Variants in SCN8A observed in about 807,000 individuals in gnomAD.
The protein encoded by SCN8A is sodium channel protein type 8 subunit alpha.
SCN8A carries 30 observed loss-of-function variants against 184.1 expected under a neutral mutation model. The observed-to-expected ratio is 0.16, with a 90% confidence interval of 0.12 to 0.22. The LOEUF (loss-of-function observed/expected upper bound fraction) is 0.22, where lower values mean the gene tolerates loss of function less well. Among genes scored for constraint, SCN8A ranks in the 10% least tolerant of loss-of-function variants. The probability of loss-of-function intolerance (pLI) is 1.00; values close to 1 mark genes in which losing one functional copy is unlikely to be tolerated. For synonymous variants in SCN8A, 852 were observed against 907.0 expected (o/e 0.94, Z 1.09); for missense variants, 1,057 against 2,498.9 (o/e 0.42, Z 12.30).
chr12:51,798,258 T>A (rs1938461931), intron 26 of SCN8A, among the ~76,000 whole-genome samples: 1 of 152,202 alleles, frequency 6.6e-6, no homozygotes, highest in Admixed American at 6.5e-5. Flanking sequence ...TTCTTAGCTG[T>A]AAAGTGAGTG....
intron 20 of SCN8A, 94 bp downstream of exon 20, chr12:51,774,456 A>T: frequency 8.4e-7 from 1 of 1,191,820 alleles, no homozygotes; most frequent in East Asian, 2.4e-5. Flanking sequence ...CCCTGGGCCC[A>T]GGTTATAGAT....
At chr12:51,750,641 GATAATA>G (rs942492303) in intron 13 of SCN8A, among the ~76,000 whole-genome samples, 1 of 152,178 alleles carries the variant, frequency 6.6e-6, no homozygotes, top group Non-Finnish European at 1.5e-5. Context: ...TGCTAATGAA[GATAATA>G]ATAATAGCAA....
chr12:51,767,941 G>T (rs919577040), intron 16 of SCN8A, among the ~76,000 whole-genome samples: 2 of 152,100 alleles, frequency 1.3e-5, no homozygotes, highest in African/African-American at 2.4e-5. Context: ...CCTCAGCCTG[G>T]CCTTCAAAGC....
rs557837755 is a variant in SCN8A at position 51,707,367 on chromosome 12, A to G, written c.1635+652A>G. On this transcript the variant is annotated intron_variant, in intron 11 of 26. Transcript: ENST00000627620. Reference sequence around the variant, plus strand: ...TTAACTTACACAATCACAAGGTCCCACAGTAGGCTGTTTGCAAACTTCAGG... The same window carrying G: ...TTAACTTACACAATCACAAGGTCCCGCAGTAGGCTGTTTGCAAACTTCAGG... Among the ~76,000 whole-genome samples, 20 of 152,318 alleles carry G rather than the reference A, an allele frequency of 1.3e-4. No individual in the cohort carries two copies. The South Asian group carries it at 4.1e-3, about 32-fold the overall frequency.
chr12:51,785,578 G>T (rs527294825), intron 21 of SCN8A, among the ~76,000 whole-genome samples: 1 of 152,272 alleles, frequency 6.6e-6, no homozygotes, highest in Admixed American at 6.5e-5. Flanking sequence ...ACTCTAAATT[G>T]TGTGCTGCTC....
chr12:51,725,288 A>G (rs1942139341), intron 12 of SCN8A, among the ~76,000 whole-genome samples: 1 of 152,240 alleles, frequency 6.6e-6, no homozygotes, highest in African/African-American at 2.4e-5. Flanking sequence ...GCAAAACAAG[A>G]TGCATATAGT....
intron 13 of SCN8A, among the ~76,000 whole-genome samples, chr12:51,749,875 G>A (rs12302725): frequency 0.088 from 13,458 of 152,158 alleles, 667 homozygotes; most frequent in South Asian, 0.17. Flanking sequence ...CAGAGAGAGA[G>A]TAGCTGTTAC....
intron 2 of SCN8A, among the ~76,000 whole-genome samples, chr12:51,668,846 A>G (rs1210605615): frequency 6.6e-6 from 1 of 152,200 alleles, no homozygotes; most frequent in Non-Finnish European, 1.5e-5. Context: ...CTATGGTAGG[A>G]TAGTATACAA....
At chr12:51,723,103 T>A (rs1457233100) in intron 12 of SCN8A, 2 of 152,226 alleles carry the variant, frequency 1.3e-5, no homozygotes, top group Middle Eastern at 3.2e-3. Context: ...CAATCATGGA[T>A]AAAGTTTATT....
At chr12:51,726,566 A>G (rs994227808) in intron 12 of SCN8A, among the ~76,000 whole-genome samples, 3 of 152,222 alleles carry the variant, frequency 2.0e-5, no homozygotes, top group African/African-American at 7.2e-5. Flanking sequence ...ATTTGTGCAT[A>G]TGATCCTGGG....
At chr12:51,770,378 C>T (rs1349874633) in intron 18 of SCN8A, 151 bp from the exon 19 acceptor site, 2 of 891,974 alleles carry the variant, frequency 2.2e-6, no homozygotes, top group Non-Finnish European at 3.3e-6. Context: ...CTGCCACCCT[C>T]TCCATTTCTG....
intron 14 of SCN8A, among the ~76,000 whole-genome samples, chr12:51,758,298 A>T (rs1942708150): frequency 6.6e-6 from 1 of 152,264 alleles, no homozygotes; most frequent in Non-Finnish European, 1.5e-5. Context: ...CTGTAAAATA[A>T]ATATCACAAT....
At chr12:51,794,899 T>C (rs1294847424) in intron 26 of SCN8A, among the ~76,000 whole-genome samples, 1 of 151,950 alleles carries the variant, frequency 6.6e-6, no homozygotes, top group Non-Finnish European at 1.5e-5. Flanking sequence ...AAAAAGAAGA[T>C]TGGTTCTTGC....
chr12:51,650,778 G>A (rs895359574), intron 1 of SCN8A, among the ~76,000 whole-genome samples: 2 of 152,178 alleles, frequency 1.3e-5, no homozygotes, highest in Non-Finnish European at 2.9e-5. Flanking sequence ...CGGTCGGGGA[G>A]ACCCTAACCC....
intron 12 of SCN8A, among the ~76,000 whole-genome samples, chr12:51,737,217 C>T (rs966581409): frequency 1.1e-4 from 17 of 151,086 alleles, no homozygotes; most frequent in Non-Finnish European, 2.2e-4. Flanking sequence ...ATCATTGTAG[C>T]AATTTGATCT....
intron 1 of SCN8A, among the ~76,000 whole-genome samples, chr12:51,634,301 G>C (rs1395419706): frequency 6.6e-6 from 1 of 152,206 alleles, no homozygotes; most frequent in Non-Finnish European, 1.5e-5. Flanking sequence ...CCCTGCAAGA[G>C]AGTGAGAGAC....
intron 15 of SCN8A, among the ~76,000 whole-genome samples, chr12:51,763,253 T>G (rs1942788801): frequency 6.6e-6 from 1 of 152,208 alleles, no homozygotes; most frequent in African/African-American, 2.4e-5. Context: ...GAAACCATAC[T>G]TTGAGTACCC....
At chr12:51,634,679 C>A (rs1298937638) in intron 1 of SCN8A, among the ~76,000 whole-genome samples, 4 of 136,974 alleles carry the variant, frequency 2.9e-5, no homozygotes, top group Non-Finnish European at 6.1e-5. Flanking sequence ...GAGACTGAGT[C>A]TTGCTGTCAC....
intron 24 of SCN8A, 43 bp downstream of exon 24, chr12:51,789,461 A>G: frequency 1.2e-6 from 2 of 1,601,834 alleles, no homozygotes; most frequent in African/African-American, 2.7e-5. Context: ...AAGTCAGCCC[A>G]GATAAGAGGC....
Sources: allele counts gnomAD v4.1 joint callset (sites outside exome capture counted in the v4.1 genomes callset), GRCh38; gene constraint gnomAD v4.1.1; transcripts MANE v1.5; gene names NCBI Gene and HGNC (gene_info 2026-07-23, HGNC 2026-07-21).